ZNF676: variants seen among roughly 807,000 people sequenced by gnomAD.
ZNF676 encodes the protein zinc finger protein 676.
A neutral mutation model predicts 6.0 loss-of-function variants in ZNF676; 4 were observed. The observed-to-expected ratio is 0.67, with a 90% CI of 0.33 to 1.53. The LOEUF (loss-of-function observed/expected upper bound fraction) is 1.53. Ranked by LOEUF, ZNF676 falls within the 40% of genes most tolerant of loss-of-function variation. The probability of loss-of-function intolerance (pLI) is 0.06; values close to 1 mark genes in which losing one functional copy is unlikely to be tolerated. For synonymous variants in ZNF676, 198 were observed against 223.1 expected, an observed-to-expected ratio of 0.89 and a Z score of 1.00; for missense variants, 644 against 679.7, an observed-to-expected ratio of 0.95 and a Z score of 0.58.
At chr19:22,202,001 T>G (rs2024030777) in intron 1 of ZNF676, among the ~76,000 whole-genome samples, 1 of 152,166 alleles carries the variant, frequency 6.6e-6, no homozygotes, top group African/African-American at 2.4e-5. Flanking sequence ...GCTCTCTGAC[T>G]TTGATAACTA....
At chr19:22,215,760 G>C (rs2024178404) in exon 1 of ZNF676, 5 of 1,258,940 alleles carry the variant, frequency 4.0e-6, no homozygotes, top group Non-Finnish European at 5.5e-6. Flanking sequence ...GCTGCAGCGA[G>C]AGACAAAGGA....
At chr19:22,209,036 C>G (rs530417079) in intron 1 of ZNF676, among the ~76,000 whole-genome samples, 9 of 152,010 alleles carry the variant, frequency 5.9e-5, no homozygotes, top group African/African-American at 2.2e-4. Flanking sequence ...GAGGCCAAGG[C>G]GGCAGATCAC....
At chr19:22,242,529 C>T in the ZNF676 span, among the ~76,000 whole-genome samples, 1 of 151,858 alleles carries the variant, frequency 6.6e-6, no homozygotes, top group South Asian at 2.1e-4. Flanking sequence ...TGTTGGAGCC[C>T]ACGATATGTC....
chr19:22,253,402 GTGTA>G, the ZNF676 span, among the ~76,000 whole-genome samples: 269 of 106,336 alleles, frequency 2.5e-3, 2 homozygotes, highest in African/African-American at 9.1e-3. Context: ...ATATGATAAT[GTGTA>G]TATATATATA....
chr19:22,196,690 A>G lies in ZNF676; in HGVS notation c.-57T>C. ...TCCAGGCATTGCCACTCCTCCAGAG[A>G]GAATTCTATGGCCACATCCCTAAAT... On this transcript the variant is annotated 5_prime_UTR_variant, in exon 1 of 3. Coordinates refer to ENST00000397121, the MANE Select transcript of ZNF676 (RefSeq NM_001001411.3). 2 of 1,612,652 alleles carry G rather than the reference A, an allele frequency of 1.2e-6. No homozygotes were observed. Among genetic ancestry groups the G allele is most frequent in the Non-Finnish European group, 1.7e-6 (2 of 1,178,728 alleles).
intron 2 of ZNF676, among the ~76,000 whole-genome samples, chr19:22,185,530 G>C (rs1417692680): frequency 1.3e-5 from 2 of 150,204 alleles, no homozygotes; most frequent in African/African-American, 4.9e-5. Context: ...TGAGTTTGAC[G>C]AATTGACAAA....
At chr19:22,207,860 T>C (rs1399638915) in intron 1 of ZNF676, among the ~76,000 whole-genome samples, 1 of 151,900 alleles carries the variant, frequency 6.6e-6, no homozygotes, top group Non-Finnish European at 1.5e-5. Context: ...TCCTATTTAA[T>C]AAATGGTGCC....
intron 1 of ZNF676, among the ~76,000 whole-genome samples, chr19:22,194,269 G>A (rs145423158): frequency 3.3e-4 from 51 of 152,272 alleles, no homozygotes; most frequent in African/African-American, 1.2e-3. Flanking sequence ...AGGCAGTGTG[G>A]CATCAGATCC....
At chr19:22,186,784 G>C (rs1291925939) in intron 2 of ZNF676, among the ~76,000 whole-genome samples, 1 of 152,184 alleles carries the variant, frequency 6.6e-6, no homozygotes. Flanking sequence ...AAGAGACAAA[G>C]ATGGGCATTA....
In ZNF676 at chr19:22,202,436, T is replaced by C. The variant is rs112135580; in HGVS notation, c.4-5710A>G. 5.4e-3 allele frequency among the ~76,000 whole-genome samples: 819 copies of C among 152,244 alleles called. 5 individuals are homozygous for C. The highest frequency in any genetic ancestry group is 0.019 in the African/African-American group (773 of 41,542). On this transcript the variant is annotated intron_variant, in intron 1 of 3. Transcript: ENST00000650058. ...GTACAGCATGCACTTCGCAGCACAA[T>C]TGTGAATGGACTGGAAGCCTGAGTG...
chr19:22,203,993 C>A (rs1410124520), intron 1 of ZNF676: 3 of 152,164 alleles, frequency 2.0e-5, no homozygotes, highest in Non-Finnish European at 4.4e-5. Flanking sequence ...TGACAACTTC[C>A]ACCAGCACTT....
the ZNF676 span, among the ~76,000 whole-genome samples, chr19:22,237,606 C>T: frequency 6.6e-6 from 1 of 152,250 alleles, no homozygotes; most frequent in Non-Finnish European, 1.5e-5. Flanking sequence ...CATTATTTTG[C>T]CTGGCAACTT....
intron 2 of ZNF676, among the ~76,000 whole-genome samples, chr19:22,190,716 T>A (rs1448338728): frequency 6.9e-6 from 1 of 145,758 alleles, no homozygotes; most frequent in Non-Finnish European, 1.5e-5. Flanking sequence ...TACATAGCAA[T>A]AATTATTACT....
chr19:22,213,277 T>C (rs186110770), intron 1 of ZNF676, among the ~76,000 whole-genome samples: 211 of 152,278 alleles, frequency 1.4e-3, no homozygotes, highest in Middle Eastern at 3.4e-3. Flanking sequence ...GCTATTTTTT[T>C]CCACAAACTT....
At chr19:22,205,629 A>G (rs772019001) in intron 1 of ZNF676, among the ~76,000 whole-genome samples, 18 of 152,300 alleles carry the variant, frequency 1.2e-4, no homozygotes, top group Admixed American at 5.9e-4. Context: ...AAAATACAAC[A>G]CACCAGAATC....
chr19:22,219,768 G>A (rs193055154), upstream of ZNF676, among the ~76,000 whole-genome samples: 3 of 151,660 alleles, frequency 2.0e-5, no homozygotes, highest in Non-Finnish European at 2.9e-5. Context: ...CGATTCTCCC[G>A]CCTCAGCCTC....
At chr19:22,191,194 G>C (rs2023902622) in intron 2 of ZNF676, among the ~76,000 whole-genome samples, 1 of 152,156 alleles carries the variant, frequency 6.6e-6, no homozygotes, top group Non-Finnish European at 1.5e-5. Flanking sequence ...TCCAGTGAGG[G>C]AATTGTGAAA....
chr19:22,215,647 A>T (rs532107834), exon 1 of ZNF676: 61 of 1,610,344 alleles, frequency 3.8e-5, no homozygotes, highest in Middle Eastern at 1.7e-4. Flanking sequence ...CTAGGCTTCC[A>T]GGGGGTCCTG....
chr19:22,206,135 T>C lies in ZNF676; in HGVS notation c.4-9409A>G, dbSNP rs2024074454. Among the ~76,000 whole-genome samples the C allele has an allele frequency of 3.3e-5, 5 of 151,464 alleles. No individual in the cohort carries two copies. In the South Asian group the frequency reaches 1.0e-3, roughly 32 times the overall value. On this transcript the variant is annotated intron_variant, in intron 1 of 3. Transcript: ENST00000650058. ...GATAGATAAGCTCAAAAAACTGAAT[T>C]AGTAATAAGTAGCCTACCAACTAAA... is the stretch of plus-strand genomic sequence containing the variant.
Sources: gnomAD v4.1 joint callset for allele counts (sites outside exome capture counted in the v4.1 genomes callset) on GRCh38, gnomAD v4.1.1 for gene constraint, MANE v1.5 for transcripts, NCBI Gene and HGNC (gene_info 2026-07-23, HGNC 2026-07-21) for gene names.